Variants in STK39 observed in about 807,000 individuals in gnomAD.
STK39 encodes serine/threonine kinase 39.
STK39 carries 20 observed loss-of-function variants against 77.8 expected under a neutral mutation model. The observed-to-expected ratio is 0.26, with a 90% CI of 0.18 to 0.37. The LOEUF (loss-of-function observed/expected upper bound fraction) is 0.37, where lower values mean the gene tolerates loss of function less well. Among genes scored for constraint, STK39 ranks in the 10% least tolerant of loss-of-function variants. The pLI is 1.00. For synonymous variants in STK39, 246 were observed against 234.1 expected, an observed-to-expected ratio of 1.05 and a Z score of -0.47; for missense variants, 479 against 656.5, an observed-to-expected ratio of 0.73 and a Z score of 2.95.
intron 1 of STK39, among the ~76,000 whole-genome samples, chr2:168,182,713 CAG>C (rs1391164966): frequency 1.3e-5 from 2 of 152,182 alleles, no homozygotes; most frequent in African/African-American, 2.4e-5. Context: ...TCCTAAGAGA[CAG>C]AGTCATGTCA....
At chr2:168,194,947 A>G (rs1389292391) in intron 1 of STK39, among the ~76,000 whole-genome samples, 1 of 152,214 alleles carries the variant, frequency 6.6e-6, no homozygotes, top group Non-Finnish European at 1.5e-5. Context: ...ACACATCTCT[A>G]ACTAGAAGCA....
intron 16 of STK39, among the ~76,000 whole-genome samples, chr2:167,991,976 T>C (rs1360054123): frequency 6.6e-6 from 1 of 152,192 alleles, no homozygotes; most frequent in Middle Eastern, 3.2e-3. Flanking sequence ...TGAACAATCA[T>C]ATTTGTCTTT....
At chr2:168,022,442 G>A (rs1369696654) in intron 14 of STK39, among the ~76,000 whole-genome samples, 1 of 152,178 alleles carries the variant, frequency 6.6e-6, no homozygotes, top group African/African-American at 2.4e-5. Flanking sequence ...TGTGGGGACT[G>A]TGCCAGCTGG....
intron 5 of STK39, 95 bp downstream of exon 5, chr2:168,161,692 A>T (rs533208123): frequency 2.5e-5 from 20 of 811,614 alleles, no homozygotes; most frequent in Non-Finnish European, 3.3e-5. Context: ...AAGAGATTAC[A>T]TGCATTTATT....
At chr2:168,176,751 C>T (rs1688965127) in intron 2 of STK39, among the ~76,000 whole-genome samples, 2 of 152,036 alleles carry the variant, frequency 1.3e-5, no homozygotes, top group South Asian at 4.1e-4. Flanking sequence ...GAAACTCTTT[C>T]ATTATGTTCA....
chr2:168,196,053 G>A (rs1689462023), intron 1 of STK39, among the ~76,000 whole-genome samples: 1 of 152,146 alleles, frequency 6.6e-6, no homozygotes, highest in African/African-American at 2.4e-5. Flanking sequence ...ACTATAAATG[G>A]GAATGGAGTG....
intron 1 of STK39, among the ~76,000 whole-genome samples, chr2:168,234,489 C>A (rs1005366558): frequency 6.6e-6 from 1 of 152,156 alleles, no homozygotes; most frequent in African/African-American, 2.4e-5. Flanking sequence ...ATATCAGCCC[C>A]GCATAAGGGA....
chr2:168,017,014 A>G (rs779636117), intron 15 of STK39, 29 bp downstream of exon 15: 6 of 1,565,710 alleles, frequency 3.8e-6, no homozygotes, highest in African/African-American at 2.7e-5. Context: ...CTTTGAGGCA[A>G]TAAAATAATA....
At chr2:168,227,555 G>A (rs572802366) in intron 1 of STK39, among the ~76,000 whole-genome samples, 2 of 152,272 alleles carry the variant, frequency 1.3e-5, no homozygotes, top group South Asian at 2.1e-4. Context: ...GGTTTCATAC[G>A]AAGTCACTAT....
chr2:168,213,563 G>A (rs1375534145), intron 1 of STK39, among the ~76,000 whole-genome samples: 1 of 151,972 alleles, frequency 6.6e-6, no homozygotes, highest in Non-Finnish European at 1.5e-5. Context: ...ATGTGTGCCT[G>A]TATTCCCAGC....
intron 1 of STK39, among the ~76,000 whole-genome samples, chr2:168,221,159 G>A (rs1447319717): frequency 1.3e-5 from 2 of 152,144 alleles, no homozygotes; most frequent in Non-Finnish European, 2.9e-5. Flanking sequence ...GGCACAACTC[G>A]ATTAAGTTCA....
intron 14 of STK39, among the ~76,000 whole-genome samples, chr2:168,017,655 G>A (rs961220701): frequency 1.4e-4 from 22 of 152,036 alleles, no homozygotes; most frequent in Non-Finnish European, 2.6e-4. Context: ...TTACAGGCAT[G>A]AGCCACCACA....
intron 14 of STK39, among the ~76,000 whole-genome samples, chr2:168,059,851 T>G (rs1685616692): frequency 6.6e-6 from 1 of 152,178 alleles, no homozygotes. Context: ...ACCTGGTATA[T>G]CATACAACCA....
intron 10 of STK39, among the ~76,000 whole-genome samples, chr2:168,093,353 T>C (rs1013646292): frequency 6.6e-6 from 1 of 152,148 alleles, no homozygotes; most frequent in Non-Finnish European, 1.5e-5. Context: ...GGCCTCACAA[T>C]CATGGCAGAA....
At chr2:168,082,564 C>T (rs1371605640) in intron 10 of STK39, among the ~76,000 whole-genome samples, 2 of 152,158 alleles carry the variant, frequency 1.3e-5, no homozygotes, top group Non-Finnish European at 2.9e-5. Context: ...AAATCTGTGT[C>T]CACAATATTT....
chr2:168,056,663 G>A (rs948807239), intron 14 of STK39, among the ~76,000 whole-genome samples: 13 of 152,176 alleles, frequency 8.5e-5, no homozygotes, highest in Non-Finnish European at 1.5e-4. Flanking sequence ...ACAAATATAC[G>A]TGTATGTGTA....
At chr2:168,220,815 A>G (rs1254415758) in intron 1 of STK39, among the ~76,000 whole-genome samples, 5 of 152,192 alleles carry the variant, frequency 3.3e-5, no homozygotes, top group African/African-American at 1.2e-4. Context: ...TTAAGATTAT[A>G]CACACTGCCC....
intron 14 of STK39, among the ~76,000 whole-genome samples, chr2:168,018,115 A>G (rs2105321229): frequency 6.6e-6 from 1 of 152,330 alleles, no homozygotes; most frequent in East Asian, 1.9e-4. Context: ...AGTGAGCTAT[A>G]ATTAGAATAG....
chr2:168,138,474 G>T (rs751499125), intron 7 of STK39, among the ~76,000 whole-genome samples: 1 of 152,166 alleles, frequency 6.6e-6, no homozygotes, highest in Non-Finnish European at 1.5e-5. Context: ...GAATGATCCC[G>T]GACAGAGCTT....
Sources: allele counts gnomAD v4.1 joint callset (sites outside exome capture counted in the v4.1 genomes callset), GRCh38; gene constraint gnomAD v4.1.1; transcripts MANE v1.5; gene names NCBI Gene and HGNC (gene_info 2026-07-23, HGNC 2026-07-21).